The following SPAG9 variants were observed in gnomAD, a reference collection of about 807,000 sequenced individuals.
SPAG9 encodes sperm associated antigen 9, also known as C-Jun-amino-terminal kinase-interacting protein 4.
SPAG9 carries 35 observed loss-of-function variants against 166.5 expected under a neutral mutation model. That is an observed-to-expected ratio of 0.21 (90% CI 0.16 to 0.28). The LOEUF is 0.28. Among genes scored for constraint, SPAG9 ranks in the 10% least tolerant of loss-of-function variants. The probability of loss-of-function intolerance (pLI) is 1.00; values close to 1 mark genes in which losing one functional copy is unlikely to be tolerated. For missense variants in SPAG9, 1,235 were observed against 1,603.3 expected, an observed-to-expected ratio of 0.77 and a Z score of 3.92; for synonymous variants, 534 against 565.5, an observed-to-expected ratio of 0.94 and a Z score of 0.79.
chr17:51,012,539 C>T (rs2045530706), intron 9 of SPAG9, among the ~76,000 whole-genome samples: 1 of 150,684 alleles, frequency 6.6e-6, no homozygotes, highest in African/African-American at 2.4e-5. Flanking sequence ...CACGGCACTC[C>T]AGCCTGGGCA....
At chr17:51,089,460 C>T (rs1477825770) in intron 1 of SPAG9, among the ~76,000 whole-genome samples, 1 of 149,914 alleles carries the variant, frequency 6.7e-6, no homozygotes, top group Non-Finnish European at 1.5e-5. Context: ...AAAAAGAAGT[C>T]GACAGGTGCA....
chr17:51,080,191 G>C (rs1179439676), intron 1 of SPAG9, among the ~76,000 whole-genome samples: 2 of 151,818 alleles, frequency 1.3e-5, no homozygotes, highest in Admixed American at 1.3e-4. Flanking sequence ...TACCAAACCT[G>C]TTCTCATCAA....
rs768597615 is a variant in SPAG9 at position 50,996,662 on chromosome 17, T to C, written c.1871A>G (p.Gln624Arg). 2 of 1,614,196 alleles carry C rather than the reference T, an allele frequency of 1.2e-6. No homozygotes were observed. The highest frequency in any genetic ancestry group is 1.7e-5 in the Admixed American group (1 of 60,012). ...TEASLASRRE[Q>R]KREQYRQVKA... ...TACCTGACGATACTGCTCTCTCTTT[T>C]GTTCTCTGCGTGAGGCTAAACTAGC... Residue 624 changes from glutamine (Q) to arginine (R), a missense_variant, in exon 16 of 30, where the codon CAA (glutamine) becomes CGA (arginine). Physicochemically the swap from Gln to Arg is conservative, Grantham distance 43. Coordinates refer to ENST00000262013, the MANE Select transcript of SPAG9 (RefSeq NM_001130528.3).
chr17:51,063,152 T>C (rs2047564490), intron 2 of SPAG9, among the ~76,000 whole-genome samples: 1 of 152,082 alleles, frequency 6.6e-6, no homozygotes, highest in Admixed American at 6.5e-5. Flanking sequence ...CTCACGCCTG[T>C]AATCCCAGTA....
chr17:51,118,133 C>CA lies in SPAG9; in HGVS notation c.303+2220dup, dbSNP rs201570298. On this transcript the variant is annotated intron_variant, in intron 1 of 29. Coordinates refer to ENST00000262013, the MANE Select transcript of SPAG9 (RefSeq NM_001130528.3). The stretch of plus-strand genomic sequence containing the variant: ...CTGGCGACAGAGAGAGACTCTGTCT[C>CA]AAAAAAAAAAAAAAAGAGAAAAGAA... 5.0e-3 allele frequency among the ~76,000 whole-genome samples: 451 copies of CA among 90,584 alleles called. 2 individuals carry two copies. The highest frequency in any genetic ancestry group is 0.019 in the Middle Eastern group (3 of 160). The allele number at this position is 90,584 out of a possible 152,430, so 59.4% of individuals were successfully genotyped here.
At chr17:50,996,423 C>A in intron 16 of SPAG9, 142 bp downstream of exon 16, 1 of 891,190 alleles carries the variant, frequency 1.1e-6, no homozygotes, top group East Asian at 2.6e-5. Context: ...AAAACCACCA[C>A]CCTCCATGCT....
At chr17:51,081,828 C>T (rs1156438366) in intron 1 of SPAG9, among the ~76,000 whole-genome samples, 2 of 152,128 alleles carry the variant, frequency 1.3e-5, no homozygotes, top group African/African-American at 2.4e-5. Context: ...TAAGGATCTA[C>T]ACAACATGCT....
Position 51,002,172 on chromosome 17 carries a change from C to T in SPAG9, c.1477-327G>A, listed in dbSNP as rs879263694. 8.5e-5 allele frequency among the ~76,000 whole-genome samples: 13 copies of T among 152,130 alleles called. No individual in the cohort carries two copies. The South Asian group carries it at 1.7e-3, about 19-fold the overall frequency. ...CTTGGACTACAGGTACATGTCAACACGCCTGACTAATTTTTAAATTTTTTT... is the reference window on the plus strand; with the variant it reads ...CTTGGACTACAGGTACATGTCAACATGCCTGACTAATTTTTAAATTTTTTT... On this transcript the variant is annotated intron_variant, in intron 12 of 29. Transcript: ENST00000262013.
At chr17:50,987,528 A>G (rs1324566419) in intron 21 of SPAG9, among the ~76,000 whole-genome samples, 1 of 152,024 alleles carries the variant, frequency 6.6e-6, no homozygotes, top group Non-Finnish European at 1.5e-5. Flanking sequence ...TCAAAAAAAA[A>G]AAAAGAAACC....
chr17:51,095,965 A>T (rs1431189837), intron 1 of SPAG9, among the ~76,000 whole-genome samples: 1 of 102,096 alleles, frequency 9.8e-6, no homozygotes, highest in East Asian at 2.5e-4. Flanking sequence ...AGTGATATAT[A>T]TATATAGTGA....
chr17:51,102,320 C>T (rs1364508022), intron 1 of SPAG9, among the ~76,000 whole-genome samples: 1 of 150,942 alleles, frequency 6.6e-6, no homozygotes, highest in Non-Finnish European at 1.5e-5. Context: ...ACGAGAATCG[C>T]TTGAACCTAA....
At chr17:51,021,879 C>T (rs1426780946) in intron 6 of SPAG9, among the ~76,000 whole-genome samples, 2 of 152,140 alleles carry the variant, frequency 1.3e-5, no homozygotes, top group Admixed American at 6.6e-5. Flanking sequence ...AATCCCAACA[C>T]TTTGGGAGGC....
At chr17:51,112,052 T>C (rs866131278) in intron 1 of SPAG9, among the ~76,000 whole-genome samples, 34 of 151,404 alleles carry the variant, frequency 2.2e-4, no homozygotes, top group African/African-American at 7.5e-4. Flanking sequence ...TAAAAAAAAA[T>C]GTCTTAGGAG....
intron 1 of SPAG9, among the ~76,000 whole-genome samples, chr17:51,083,483 C>T (rs149868994): frequency 0.012 from 1,768 of 151,740 alleles, 37 homozygotes; most frequent in African/African-American, 0.041. Flanking sequence ...GTGATCCACC[C>T]ACCTCGGCCT....
At chr17:51,024,250 ACT>A (rs1296570449) in intron 6 of SPAG9, among the ~76,000 whole-genome samples, 1 of 151,670 alleles carries the variant, frequency 6.6e-6, no homozygotes, top group Non-Finnish European at 1.5e-5. Flanking sequence ...ATAGAGCGAG[ACT>A]CTCTCCAAAA....
intron 25 of SPAG9, among the ~76,000 whole-genome samples, chr17:50,981,731 AC>A (rs1378821482): frequency 3.4e-5 from 5 of 147,408 alleles, no homozygotes; most frequent in South Asian, 2.1e-4. Context: ...AAAAAAAAAA[AC>A]CGTAAGAAAA....
rs1974101810 is a variant in SPAG9, at chr17:50,974,824, T to C, written c.3647A>G (p.Gln1216Arg). ...ATCCCGGTGCCCATGGAAGCAAAGCTGTGCATGTGCCATTGAACAATAGGG... is the reference window on the plus strand; with the variant it reads ...ATCCCGGTGCCCATGGAAGCAAAGCCGTGCATGTGCCATTGAACAATAGGG... ...FIPYCSMAHA[Q>R]LCFHGHRDAV... The change falls in exon 28 of 30, where the codon CAG becomes CGG. Residue 1216 changes from glutamine to arginine, a missense_variant. Coordinates refer to ENST00000262013, the MANE Select transcript of SPAG9 (RefSeq NM_001130528.3). The C allele has an allele frequency of 6.2e-7, 1 of 1,610,438 alleles. No homozygotes were observed. The highest frequency in any genetic ancestry group is 8.5e-7 in the Non-Finnish European group (1 of 1,179,356).
chr17:51,008,761 A>G (rs538822014), intron 9 of SPAG9, among the ~76,000 whole-genome samples: 1 of 152,250 alleles, frequency 6.6e-6, no homozygotes, highest in Non-Finnish European at 1.5e-5. Context: ...AAACCAAACA[A>G]AACAAAATAA....
intron 19 of SPAG9, among the ~76,000 whole-genome samples, chr17:50,991,448 CATT>C (rs1402668750): frequency 6.6e-6 from 1 of 151,738 alleles, no homozygotes; most frequent in African/African-American, 2.4e-5. Context: ...AAATAAATCT[CATT>C]TTTTAATTTA....
Sources: gnomAD v4.1 joint callset for allele counts (sites outside exome capture counted in the v4.1 genomes callset) on GRCh38, gnomAD v4.1.1 for gene constraint, MANE v1.5 for transcripts, NCBI Gene and HGNC (gene_info 2026-07-23, HGNC 2026-07-21) for gene names.